Variants in CAPN9 observed in about 807,000 individuals in gnomAD.
CAPN9 encodes calpain 9.
CAPN9 carries 81 observed loss-of-function variants against 92.8 expected under a neutral mutation model. The ratio of observed to expected loss-of-function variants is 0.87; its 90% CI spans 0.73 to 1.05. The LOEUF (loss-of-function observed/expected upper bound fraction) is 1.05, where lower values mean the gene tolerates loss of function less well. CAPN9 is among the 50% of genes least tolerant of loss of function. The pLI is 0.00. For synonymous variants in CAPN9, 304 were observed against 328.0 expected, an observed-to-expected ratio of 0.93 and a Z score of 0.79; for missense variants, 848 against 866.2, an observed-to-expected ratio of 0.98 and a Z score of 0.26.
At chr1:230,755,057 G>A (rs1425528224) in intron 1 of CAPN9, among the ~76,000 whole-genome samples, 1 of 152,202 alleles carries the variant, frequency 6.6e-6, no homozygotes, top group Non-Finnish European at 1.5e-5. Context: ...CAGCTTTGTG[G>A]CCGGGTGTGG....
intron 8 of CAPN9, chr1:230,776,763 C>G (rs1421777217): frequency 6.6e-6 from 1 of 152,170 alleles, no homozygotes; most frequent in African/African-American, 2.4e-5. Flanking sequence ...ACATAGCCAG[C>G]AGAAGAGAAG....
At chr1:230,762,292 C>T (rs778029116) in intron 3 of CAPN9, among the ~76,000 whole-genome samples, 4 of 152,214 alleles carry the variant, frequency 2.6e-5, no homozygotes, top group Non-Finnish European at 4.4e-5. Context: ...CCAAACCCCA[C>T]GTTACCATTC....
At chr1:230,788,706 G>A (rs1041571532) in intron 13 of CAPN9, among the ~76,000 whole-genome samples, 4 of 152,200 alleles carry the variant, frequency 2.6e-5, no homozygotes, top group Non-Finnish European at 5.9e-5. Context: ...CAGCAGGAAG[G>A]TGGCTGAGCG....
chr1:230,793,075 G>T (rs944172619), intron 17 of CAPN9, 147 bp downstream of exon 17: 45 of 656,824 alleles, frequency 6.9e-5, no homozygotes, highest in Non-Finnish European at 1.1e-4. Flanking sequence ...GGCCCTTGGA[G>T]TGGTGGCACC....
At chr1:230,764,867 T>C (rs949808937) in intron 4 of CAPN9, among the ~76,000 whole-genome samples, 1 of 152,162 alleles carries the variant, frequency 6.6e-6, no homozygotes, top group Non-Finnish European at 1.5e-5. Context: ...AGATTTAGCT[T>C]AACAGAGATG....
chr1:230,767,422 C>A (rs1435618805), intron 4 of CAPN9, 119 bp from the exon 5 acceptor site: 5 of 801,516 alleles, frequency 6.2e-6, no homozygotes, highest in Non-Finnish European at 9.6e-6. Flanking sequence ...CCACACCACC[C>A]AGCCAGGGCA....
chr1:230,773,850 A>C (rs1479144851), intron 7 of CAPN9, among the ~76,000 whole-genome samples: 1 of 152,204 alleles, frequency 6.6e-6, no homozygotes, highest in Non-Finnish European at 1.5e-5. Flanking sequence ...GTAGCACCGC[A>C]ACAGTGGTGA....
At chr1:230,752,086 A>T (rs934334048) in intron 1 of CAPN9, among the ~76,000 whole-genome samples, 2 of 152,200 alleles carry the variant, frequency 1.3e-5, no homozygotes. Context: ...ACTCACACGT[A>T]GACAATGCTC....
intron 18 of CAPN9, among the ~76,000 whole-genome samples, chr1:230,797,198 T>C (rs892212542): frequency 6.6e-6 from 1 of 152,060 alleles, no homozygotes; most frequent in African/African-American, 2.4e-5. Flanking sequence ...TTCCAGACCT[T>C]TACACCCAAC....
Position 230,747,546 on chromosome 1 carries a change from A to C in CAPN9, c.50A>C (p.Lys17Thr). ...GGGCCTCAGGCACACCCGGTTCCCA[A>C]GGACGCCCGGATCACCCACTCCTCA... The part of the protein sequence containing the change: ...APGPQAHPVP[K>T]DARITHSSGQ... Residue 17 changes from lysine to threonine, a missense_variant, in exon 1 of 20, where the codon AAG becomes ACG. Physicochemically the swap from Lys to Thr is moderately conservative, Grantham distance 78. Coordinates refer to ENST00000271971, the MANE Select transcript of CAPN9 (RefSeq NM_006615.3). 6.2e-7 allele frequency: 1 copy of C among 1,614,162 alleles called. No individual in the cohort carries two copies. The highest frequency in any genetic ancestry group is 1.7e-5 in the Admixed American group (1 of 60,022).
chr1:230,783,219 A>G (rs1257575655), intron 11 of CAPN9, among the ~76,000 whole-genome samples: 2 of 152,194 alleles, frequency 1.3e-5, no homozygotes, highest in South Asian at 4.1e-4. Flanking sequence ...TCTACAAAAC[A>G]CTTTATCAGT....
At chr1:230,796,416 C>G (rs1289798108) in intron 18 of CAPN9, among the ~76,000 whole-genome samples, 3 of 150,936 alleles carry the variant, frequency 2.0e-5, no homozygotes, top group African/African-American at 7.3e-5. Flanking sequence ...GGGCTGTGAC[C>G]CTTGGTTATC....
At chr1:230,752,592 G>T (rs1246963309) in intron 1 of CAPN9, 2 of 779,682 alleles carry the variant, frequency 2.6e-6, no homozygotes, top group Non-Finnish European at 3.1e-6. Context: ...CAGAAGGCTG[G>T]GGGAGGGGAG....
At chr1:230,767,813 GA>G in intron 5 of CAPN9, 104 bp downstream of exon 5, 2 of 1,091,522 alleles carry the variant, frequency 1.8e-6, no homozygotes, top group Non-Finnish European at 2.7e-6. Flanking sequence ...CACACCCAAG[GA>G]GGGGCATAAC....
intron 1 of CAPN9, among the ~76,000 whole-genome samples, chr1:230,751,527 GAGAA>G (rs1311623254): frequency 1.0e-4 from 13 of 130,368 alleles, no homozygotes; most frequent in Non-Finnish European, 1.3e-4. Flanking sequence ...AGGAGAGAAA[GAGAA>G]AGAAAGATAG....
In CAPN9 at chr1:230,762,782, G is replaced by A. The variant is rs146158165; in HGVS notation, c.532G>A (p.Ala178Thr). ...GAGCGCCTTGCTGGAAAAAGCCTAC[G>A]CCAAGTGAGTGACAGCTTCCCCAGC... ...FWSALLEKAYAKLNGSYEALK... is the reference protein window; with the variant it reads ...FWSALLEKAYTKLNGSYEALK... Residue 178 changes from alanine (A) to threonine (T), a missense_variant, in exon 4 of 20, where the codon GCC becomes ACC. Transcript: ENST00000271971. The A allele has an allele frequency of 2.5e-5, 40 of 1,613,748 alleles. No homozygotes were observed. The Admixed American group carries it at 2.7e-4, about 11-fold the overall frequency.
chr1:230,751,042 C>G (rs1017981253), intron 1 of CAPN9, among the ~76,000 whole-genome samples: 2 of 152,290 alleles, frequency 1.3e-5, no homozygotes, highest in East Asian at 1.9e-4. Context: ...CTGCCTGTAC[C>G]CATTTATTTT....
At chr1:230,782,685 C>A (rs1024189791) in intron 11 of CAPN9, among the ~76,000 whole-genome samples, 1 of 152,148 alleles carries the variant, frequency 6.6e-6, no homozygotes, top group African/African-American at 2.4e-5. Context: ...GAATTTACAT[C>A]TGTGATGAGA....
chr1:230,747,810 C>T (rs1206629650), intron 1 of CAPN9, 101 bp downstream of exon 1: 10 of 997,528 alleles, frequency 1.0e-5, no homozygotes, highest in Non-Finnish European at 1.4e-5. Flanking sequence ...CGGCTACGCT[C>T]AGTGCAACTG....
Sources: gnomAD v4.1 joint callset for allele counts (sites outside exome capture counted in the v4.1 genomes callset) on GRCh38, gnomAD v4.1.1 for gene constraint, MANE v1.5 for transcripts, NCBI Gene and HGNC (gene_info 2026-07-23, HGNC 2026-07-21) for gene names.